The following AGMO variants were observed in gnomAD, a reference collection of about 807,000 sequenced individuals.
AGMO encodes alkylglycerol monooxygenase, also known as glyceryl-ether monooxygenase.
In AGMO, 75 loss-of-function variants were observed where a neutral mutation model predicts 60.2. The ratio of observed to expected loss-of-function variants is 1.25; its 90% CI spans 1.03 to 1.51. AGMO has a LOEUF of 1.51. Ranked by LOEUF, AGMO falls within the 40% of genes most tolerant of loss-of-function variation. The pLI is 0.00. For synonymous variants in AGMO, 261 were observed against 177.1 expected (o/e 1.47, Z -3.76); for missense variants, 763 against 525.5 (o/e 1.45, Z -4.42).
At chr7:15,260,212 GAA>G (rs753533328) in intron 12 of AGMO, among the ~76,000 whole-genome samples, 4 of 109,952 alleles carry the variant, frequency 3.6e-5, no homozygotes, top group East Asian at 5.3e-4. Context: ...ACAGAGCGAG[GAA>G]AAAAAAAAAA....
chr7:15,144,173 T>TG, the AGMO span, among the ~76,000 whole-genome samples: 46 of 152,292 alleles, frequency 3.0e-4, no homozygotes, highest in African/African-American at 1.1e-3. Flanking sequence ...TTAGATTCTG[T>TG]GGGTTTTTTT....
At chr7:15,390,574 G>T (rs1052618173) in intron 8 of AGMO, 97 bp downstream of exon 8, 1 of 962,946 alleles carries the variant, frequency 1.0e-6, no homozygotes, top group Non-Finnish European at 1.5e-6. Flanking sequence ...TCAGGTTAGT[G>T]TAATATACTT....
chr7:15,532,586 G>A (rs185824872), intron 3 of AGMO, among the ~76,000 whole-genome samples: 1 of 152,224 alleles, frequency 6.6e-6, no homozygotes, highest in Admixed American at 6.5e-5. Flanking sequence ...ATGACTAGTA[G>A]GACTGACACA....
intron 2 of AGMO, among the ~76,000 whole-genome samples, chr7:15,559,724 A>G (rs1005538042): frequency 2.0e-5 from 3 of 152,098 alleles, no homozygotes; most frequent in African/African-American, 7.2e-5. Flanking sequence ...ACGGGGTTGT[A>G]CTAGAGCCAG....
rs946920962 is a variant in AGMO at position 15,238,335 on chromosome 7, T to C, written c.1264-36976A>G. Among the ~76,000 whole-genome samples the C allele has an allele frequency of 1.2e-4, 19 of 152,082 alleles. No homozygotes were observed. In the South Asian group the frequency reaches 3.9e-3, roughly 32 times the overall value. On this transcript the variant is annotated intron_variant, in intron 12 of 12. Coordinates refer to ENST00000342526, the MANE Select transcript of AGMO (RefSeq NM_001004320.2). ...ACAGTTAAACAGAAGGAATAAGTTA[T>C]AGTATTCAAAAGTTCCAGGTGAAAA...
intron 3 of AGMO, among the ~76,000 whole-genome samples, chr7:15,465,985 G>A (rs1782274194): frequency 1.3e-5 from 2 of 152,036 alleles, no homozygotes; most frequent in South Asian, 2.1e-4. Context: ...TTATTCATTT[G>A]TACTGAAACA....
At chr7:15,208,801 C>T (rs150606456) in intron 12 of AGMO, among the ~76,000 whole-genome samples, 136 of 152,282 alleles carry the variant, frequency 8.9e-4, no homozygotes, top group Admixed American at 1.7e-3. Context: ...CTAACATTGG[C>T]ACAAAATTGT....
intron 12 of AGMO, among the ~76,000 whole-genome samples, chr7:15,345,585 C>A (rs951561689): frequency 2.1e-4 from 32 of 152,192 alleles, no homozygotes; most frequent in Non-Finnish European, 3.2e-4. Context: ...TTCTTAAAGA[C>A]TGGGAAAATG....
the AGMO span, among the ~76,000 whole-genome samples, chr7:15,157,179 T>C: frequency 1.3e-5 from 2 of 152,136 alleles, no homozygotes; most frequent in African/African-American, 4.8e-5. Flanking sequence ...CCTACCTTAT[T>C]TATCAGGTTC....
chr7:15,354,364 A>ATACACGTGTGTG (rs1782388158), intron 12 of AGMO, among the ~76,000 whole-genome samples: 2 of 78,364 alleles, frequency 2.6e-5, no homozygotes, highest in Non-Finnish European at 4.7e-5. Flanking sequence ...AGACGTGTGT[A>ATACACGTGTGTG]TATAGACGTG....
intron 5 of AGMO, among the ~76,000 whole-genome samples, chr7:15,406,520 G>A (rs1784697868): frequency 1.6e-5 from 2 of 122,200 alleles, no homozygotes; most frequent in Admixed American, 9.0e-5. Flanking sequence ...AACGGTGCCA[G>A]TTCAGGTCAG....
chr7:15,193,727 C>T, the AGMO span, among the ~76,000 whole-genome samples: 3 of 152,228 alleles, frequency 2.0e-5, no homozygotes, highest in Admixed American at 6.5e-5. Flanking sequence ...TAAACAAATG[C>T]AACCAAGTTT....
rs147258130 is a variant in AGMO at position 15,298,298 on chromosome 7, T to G, written c.1263+67216A>C. ...TCTACTAAATCAGCTTTCTCCCGTC[T>G]TAATCATTTGCCTTCATACCACTTC... On this transcript the variant is annotated intron_variant, in intron 12 of 12. Coordinates refer to ENST00000342526, the MANE Select transcript of AGMO (RefSeq NM_001004320.2). Among the ~76,000 whole-genome samples, 285 of 152,306 alleles carry G rather than the reference T, an allele frequency of 1.9e-3. 1 individual carries two copies. The highest frequency in any genetic ancestry group is 6.8e-3 in the African/African-American group (283 of 41,572).
intron 12 of AGMO, among the ~76,000 whole-genome samples, chr7:15,309,017 A>C (rs1422795090): frequency 1.3e-5 from 2 of 152,126 alleles, no homozygotes; most frequent in East Asian, 3.9e-4. Flanking sequence ...CTACTCATGC[A>C]ATTATCCCAA....
chr7:15,421,308 C>T (rs142021250), intron 4 of AGMO, among the ~76,000 whole-genome samples: 34 of 152,116 alleles, frequency 2.2e-4, no homozygotes, highest in African/African-American at 7.0e-4. Context: ...AGCGAGTCTT[C>T]GGTATGTCTG....
At chr7:15,272,146 A>G (rs1306430567) in intron 12 of AGMO, among the ~76,000 whole-genome samples, 2 of 149,030 alleles carry the variant, frequency 1.3e-5, no homozygotes, top group Non-Finnish European at 3.0e-5. Flanking sequence ...TCTTTTTTTT[A>G]TTATACTTTA....
chr7:15,420,395 AT>A (rs1391243231), intron 4 of AGMO, among the ~76,000 whole-genome samples: 1 of 152,094 alleles, frequency 6.6e-6, no homozygotes, highest in African/African-American at 2.4e-5. Flanking sequence ...AATCTTATAT[AT>A]CAGTAATATA....
intron 12 of AGMO, among the ~76,000 whole-genome samples, chr7:15,360,296 C>G (rs1048490263): frequency 2.0e-5 from 3 of 152,150 alleles, no homozygotes; most frequent in Non-Finnish European, 4.4e-5. Flanking sequence ...GTACACTCGA[C>G]CCTTGAACAA....
At chr7:15,136,850 T>C in the AGMO span, among the ~76,000 whole-genome samples, 1 of 152,098 alleles carries the variant, frequency 6.6e-6, no homozygotes, top group Non-Finnish European at 1.5e-5. Context: ...AGAATCCTCC[T>C]GTGGGATGGT....
Sources: allele counts gnomAD v4.1 joint callset (sites outside exome capture counted in the v4.1 genomes callset), GRCh38; gene constraint gnomAD v4.1.1; transcripts MANE v1.5; gene names NCBI Gene and HGNC (gene_info 2026-07-23, HGNC 2026-07-21).